FHIT: variants seen among roughly 807,000 people sequenced by gnomAD.
FHIT encodes the protein fragile histidine triad diadenosine triphosphatase, also known as bis(5'-adenosyl)-triphosphatase.
Under a neutral mutation model 17.9 loss-of-function variants are expected in FHIT, and 19 were observed. The ratio of observed to expected loss-of-function variants is 1.06; its 90% CI spans 0.74 to 1.56. The LOEUF (loss-of-function observed/expected upper bound fraction) is 1.56. Ranked by LOEUF, FHIT falls within the 40% of genes most tolerant of loss-of-function variation. FHIT has a pLI of 0.00. For synonymous variants in FHIT, 81 were observed against 69.7 expected, an observed-to-expected ratio of 1.16 and a Z score of -0.81; for missense variants, 248 against 189.2, an observed-to-expected ratio of 1.31 and a Z score of -1.82.
intron 4 of FHIT, among the ~76,000 whole-genome samples, chr3:60,546,485 G>T (rs1023051809): frequency 1.3e-4 from 19 of 151,996 alleles, no homozygotes; most frequent in Admixed American, 1.2e-3. Context: ...AATTGATATT[G>T]TTATAATTTC....
chr3:60,253,372 C>T (rs553117854), intron 5 of FHIT, among the ~76,000 whole-genome samples: 1 of 152,164 alleles, frequency 6.6e-6, no homozygotes, highest in African/African-American at 2.4e-5. Flanking sequence ...CTCTGCTGAA[C>T]AGCAATTTGG....
intron 5 of FHIT, among the ~76,000 whole-genome samples, chr3:60,504,017 G>A (rs760944779): frequency 1.3e-5 from 2 of 152,090 alleles, no homozygotes; most frequent in Non-Finnish European, 2.9e-5. Flanking sequence ...ACAAAGTGAC[G>A]TTAATTTTAC....
chr3:60,091,775 CCCA>C (rs1217806063), intron 5 of FHIT, among the ~76,000 whole-genome samples: 3 of 152,182 alleles, frequency 2.0e-5, no homozygotes, highest in Non-Finnish European at 4.4e-5. Context: ...TTCTCCTGCT[CCCA>C]CCACATGAGA....
intron 1 of FHIT, among the ~76,000 whole-genome samples, chr3:61,206,997 A>G (rs1223772677): frequency 1.4e-4 from 21 of 152,216 alleles, no homozygotes; most frequent in Admixed American, 1.4e-3. Flanking sequence ...TGACCCATCA[A>G]TACCTAATTT....
At chr3:60,953,295 C>T (rs2107465769) in intron 3 of FHIT, among the ~76,000 whole-genome samples, 1 of 152,264 alleles carries the variant, frequency 6.6e-6, no homozygotes, top group East Asian at 1.9e-4. Context: ...ACTATATGCT[C>T]CCTAAACGCA....
At chr3:60,528,139 A>G (rs1396603247) in intron 5 of FHIT, among the ~76,000 whole-genome samples, 1 of 152,092 alleles carries the variant, frequency 6.6e-6, no homozygotes, top group African/African-American at 2.4e-5. Context: ...ACACCTAGCC[A>G]ATAAACTTTT....
rs531548601 is a variant in FHIT at position 60,514,963 on chromosome 3, G to A, written c.103+21897C>T. Among the ~76,000 whole-genome samples the A allele has an allele frequency of 2.6e-5, 4 of 151,828 alleles. No individual in the cohort carries two copies. In the South Asian group the frequency reaches 6.3e-4, roughly 24 times the overall value. ...AGCCAGGCTGTAATCTGTCACAAGA[G>A]CATGTGAGCAGAGGCCACCTTACTA... On this transcript the variant is annotated intron_variant, in intron 5 of 9. Transcript: ENST00000492590.
intron 3 of FHIT, among the ~76,000 whole-genome samples, chr3:61,022,015 T>C (rs1036826663): frequency 3.3e-5 from 5 of 151,732 alleles, no homozygotes; most frequent in African/African-American, 9.7e-5. Context: ...TTGAAGGAGA[T>C]AGAGACACGA....
At chr3:60,188,207 CTTTTT>C (rs1210975877) in intron 5 of FHIT, among the ~76,000 whole-genome samples, 9 of 125,582 alleles carry the variant, frequency 7.2e-5, no homozygotes, top group African/African-American at 1.2e-4. Context: ...CAGTTTCTTT[CTTTTT>C]TTTTTTTTTT....
chr3:60,968,925 A>G (rs577954598), intron 3 of FHIT, among the ~76,000 whole-genome samples: 1 of 152,288 alleles, frequency 6.6e-6, no homozygotes, highest in South Asian at 2.1e-4. Flanking sequence ...ACCCAACTTG[A>G]TAATGATATA....
intron 8 of FHIT, among the ~76,000 whole-genome samples, chr3:59,778,637 C>T (rs1417079029): frequency 6.6e-6 from 1 of 152,156 alleles, no homozygotes; most frequent in Non-Finnish European, 1.5e-5. Flanking sequence ...TTTACAAAGA[C>T]AAGCAGCAGG....
intron 5 of FHIT, among the ~76,000 whole-genome samples, chr3:60,318,584 C>G (rs1199893776): frequency 6.6e-6 from 1 of 152,178 alleles, no homozygotes; most frequent in East Asian, 1.9e-4. Flanking sequence ...TCAGAGGGGT[C>G]AAGACCACAA....
In FHIT at chr3:60,085,219, C is replaced by T. The variant is rs1326089340; in HGVS notation, c.104-71067G>A. On this transcript the variant is annotated intron_variant, in intron 5 of 9. Transcript: ENST00000492590. ...GAATTCCTTATAAACTAGACAGAGA[C>T]AAAGATCTTCAGAGATAAAAGACGG... Among the ~76,000 whole-genome samples, 3 of 152,010 alleles carry T rather than the reference C, an allele frequency of 2.0e-5. No individual in the cohort carries two copies. The East Asian group carries it at 5.8e-4, about 29-fold the overall frequency.
intron 5 of FHIT, among the ~76,000 whole-genome samples, chr3:60,054,480 T>C (rs1391728854): frequency 1.3e-5 from 2 of 152,134 alleles, no homozygotes; most frequent in African/African-American, 4.8e-5. Flanking sequence ...ACCACTCCCA[T>C]CCCAACCCAA....
At chr3:59,753,582 G>C (rs1701037839) in intron 8 of FHIT, among the ~76,000 whole-genome samples, 1 of 152,158 alleles carries the variant, frequency 6.6e-6, no homozygotes, top group Non-Finnish European at 1.5e-5. Context: ...TTCTTCATGG[G>C]AATGCACAGT....
At chr3:60,400,422 A>G (rs1701617293) in intron 5 of FHIT, among the ~76,000 whole-genome samples, 1 of 152,138 alleles carries the variant, frequency 6.6e-6, no homozygotes, top group Admixed American at 6.5e-5. Context: ...TCCACTGGAA[A>G]TGGATTCCTG....
chr3:59,764,716 G>A (rs561190468), intron 8 of FHIT, among the ~76,000 whole-genome samples: 1 of 112,280 alleles, frequency 8.9e-6, no homozygotes, highest in South Asian at 2.9e-4. Context: ...CGTCACAGAG[G>A]ATTTCAAATG....
intron 4 of FHIT, among the ~76,000 whole-genome samples, chr3:60,612,808 T>G (rs1322851805): frequency 9.2e-5 from 14 of 152,228 alleles, no homozygotes; most frequent in Non-Finnish European, 2.1e-4. Context: ...CTCCTCAGGC[T>G]GTGGCAGACA....
At chr3:61,108,639 C>A (rs1185588089) in intron 2 of FHIT, among the ~76,000 whole-genome samples, 2 of 152,164 alleles carry the variant, frequency 1.3e-5, no homozygotes, top group Non-Finnish European at 2.9e-5. Flanking sequence ...ATATTACAGT[C>A]TGATCTTTGG....
Sources: gnomAD v4.1 joint callset for allele counts (sites outside exome capture counted in the v4.1 genomes callset) on GRCh38, gnomAD v4.1.1 for gene constraint, MANE v1.5 for transcripts, NCBI Gene and HGNC (gene_info 2026-07-23, HGNC 2026-07-21) for gene names.